The following KCNH1 variants were observed in gnomAD, a reference collection of about 807,000 sequenced individuals.
KCNH1 encodes voltage-gated delayed rectifier potassium channel KCNH1.
In KCNH1, 27 loss-of-function variants were observed where a neutral mutation model predicts 69.2. The observed-to-expected ratio is 0.39, with a 90% CI of 0.29 to 0.54. KCNH1 has a LOEUF of 0.54. Among genes scored for constraint, KCNH1 ranks in the 20% least tolerant of loss-of-function variants. The pLI, the probability that KCNH1 is intolerant of heterozygous loss-of-function variation, is 0.68. For synonymous variants in KCNH1, 456 were observed against 487.7 expected, an observed-to-expected ratio of 0.93 and a Z score of 0.86; for missense variants, 798 against 1,261.6, an observed-to-expected ratio of 0.63 and a Z score of 5.57.
intron 7 of KCNH1, among the ~76,000 whole-genome samples, chr1:210,895,162 CTT>C (rs35601819): frequency 3.6e-5 from 5 of 139,272 alleles, no homozygotes; most frequent in Admixed American, 7.1e-5. Context: ...CTTTTGTTTC[CTT>C]TTTTTTTTTT....
intron 6 of KCNH1, among the ~76,000 whole-genome samples, chr1:210,963,334 T>C (rs1405247421): frequency 6.6e-6 from 1 of 151,882 alleles, no homozygotes; most frequent in African/African-American, 2.4e-5. Flanking sequence ...TGGGGAGAAA[T>C]CAGTGCAAAA....
intron 10 of KCNH1, among the ~76,000 whole-genome samples, chr1:210,715,514 A>AAAC (rs914217450): frequency 7.6e-6 from 1 of 130,866 alleles, no homozygotes; most frequent in African/African-American, 2.9e-5. Flanking sequence ...TTTAAAAATT[A>AAAC]AACAAAAAAA....
intron 10 of KCNH1, among the ~76,000 whole-genome samples, chr1:210,719,971 G>T (rs543477883): frequency 1.2e-4 from 19 of 152,238 alleles, no homozygotes; most frequent in Non-Finnish European, 2.8e-4. Context: ...ATGTCTGTGT[G>T]TCCCTCCCGT....
chr1:210,783,916 T>C (rs896212358), intron 9 of KCNH1, among the ~76,000 whole-genome samples: 6 of 152,220 alleles, frequency 3.9e-5, no homozygotes, highest in Non-Finnish European at 5.9e-5. Flanking sequence ...TATACAAAGG[T>C]GCTTTTTTCA....
At chr1:210,944,476 T>C (rs965215569) in intron 6 of KCNH1, among the ~76,000 whole-genome samples, 1 of 152,098 alleles carries the variant, frequency 6.6e-6, no homozygotes, top group African/African-American at 2.4e-5. Flanking sequence ...AACTGCCATA[T>C]CTAAATGGAG....
chr1:211,026,609 C>A (rs1370493945), intron 5 of KCNH1, among the ~76,000 whole-genome samples: 1 of 152,188 alleles, frequency 6.6e-6, no homozygotes, highest in Non-Finnish European at 1.5e-5. Context: ...CACCCAATCT[C>A]CCATCTCCTC....
intron 6 of KCNH1, among the ~76,000 whole-genome samples, chr1:210,927,301 C>T (rs1371152583): frequency 6.6e-6 from 1 of 152,148 alleles, no homozygotes; most frequent in Non-Finnish European, 1.5e-5. Flanking sequence ...ATCTTAAGAC[C>T]TGTGAGGCAA....
At chr1:211,023,155 TAAATAAATTAAA>T (rs1487338979) in intron 5 of KCNH1, among the ~76,000 whole-genome samples, 4 of 100,374 alleles carry the variant, frequency 4.0e-5, no homozygotes, top group East Asian at 5.8e-4. Flanking sequence ...AATAAATAAA[TAAATAAATTAAA>T]AATGCTGGTG....
In KCNH1 at chr1:210,683,303, C is replaced by T. The variant is rs745322134; in HGVS notation, c.2948G>A (p.Arg983Lys). 12 of 1,613,498 alleles carry T rather than the reference C, an allele frequency of 7.4e-6. No homozygotes were observed. The South Asian group carries it at 8.8e-5, about 12-fold the overall frequency. Residue 983 changes from arginine to lysine, a missense_variant, in exon 11 of 11, where the codon AGA becomes AAA. Arg to Lys is a conservative substitution (Grantham distance 26, BLOSUM62 2). This residue lies in a region of KCNH1 where 331 missense variants were observed against 363.2 expected (regional missense o/e 0.91). Transcript: ENST00000271751. This position sits in a 1 kb window ranked among gnomAD's most constrained non-coding sequence, Gnocchi z 5.7. ...ISRPQSPESE[R>K]DIFGAS ...CTCTCAGCTGGCTCCAAAAATGTCTCTCTCTGATTCTGGGGACTGTGGCCT... is the reference window on the plus strand; with the variant it reads ...CTCTCAGCTGGCTCCAAAAATGTCTTTCTCTGATTCTGGGGACTGTGGCCT...
chr1:210,708,996 A>G (rs572448757), intron 10 of KCNH1, among the ~76,000 whole-genome samples: 317 of 152,238 alleles, frequency 2.1e-3, no homozygotes, highest in African/African-American at 7.5e-3. Flanking sequence ...GTGGTGGCTC[A>G]TCCCAGCACT....
At chr1:211,105,394 A>T (rs530377126) in intron 2 of KCNH1, among the ~76,000 whole-genome samples, 2 of 152,348 alleles carry the variant, frequency 1.3e-5, no homozygotes, top group African/African-American at 4.8e-5. Flanking sequence ...TACTATAATT[A>T]TACCTAGTTT....
intron 7 of KCNH1, chr1:210,859,310 T>C (rs1685923075): frequency 1.6e-5 from 24 of 1,506,880 alleles, no homozygotes; most frequent in Admixed American, 1.7e-5. Context: ...AGTTACTGTG[T>C]CTGTAACTGT....
In KCNH1 at chr1:210,722,984, CT is replaced by C. The variant is rs1341795580; in HGVS notation, c.2113-38847del. On this transcript the variant is annotated intron_variant, in intron 10 of 10. Transcript: ENST00000271751. ...TCCTGACAGACCTCAGGGAAGACAA[CT>C]TAACCTGATAAAAAATCAACACCAA... is the stretch of plus-strand genomic sequence containing the variant. Among the ~76,000 whole-genome samples the C allele has an allele frequency of 2.6e-5, 4 of 152,138 alleles. No individual in the cohort carries two copies. In the East Asian group the frequency reaches 7.7e-4, roughly 29 times the overall value.
chr1:210,772,952 ATTGTTTTTGTTGTCATTC>A (rs1020476482), intron 10 of KCNH1, among the ~76,000 whole-genome samples: 2 of 152,060 alleles, frequency 1.3e-5, no homozygotes, highest in Non-Finnish European at 2.9e-5. Context: ...CTGAGGTGTC[ATTGTTTTTGTTGTCATTC>A]TTGTTTTTTT....
Position 211,082,917 on chromosome 1 carries a change from T to C in KCNH1, c.440-19A>G, listed in dbSNP as rs1453107805. ...CCCCAGCCTGAAGCAAGTGGAAGAG[T>C]GAAAAGACAGGGTCAACCACATCCC... On this transcript the variant is annotated intron_variant, in intron 4 of 10. Coordinates refer to ENST00000271751, the MANE Select transcript of KCNH1 (RefSeq NM_172362.3). 6.2e-7 allele frequency: 1 copy of C among 1,601,052 alleles called. No homozygotes were observed. Among genetic ancestry groups the C allele is most frequent in the East Asian group, 2.2e-5 (1 of 44,802 alleles).
chr1:210,994,183 T>C (rs537973240), intron 6 of KCNH1, among the ~76,000 whole-genome samples: 2 of 152,352 alleles, frequency 1.3e-5, no homozygotes, highest in African/African-American at 4.8e-5. Context: ...CAAATGATGA[T>C]ACCACTAATT....
intron 7 of KCNH1, among the ~76,000 whole-genome samples, chr1:210,846,035 C>A (rs1037538744): frequency 1.3e-5 from 2 of 152,066 alleles, no homozygotes; most frequent in African/African-American, 4.8e-5. Flanking sequence ...ATGTGAAGGA[C>A]CTCTTCAAGG....
At position 210,862,035 on chromosome 1, in the gene KCNH1, T is replaced by C. The variant is rs889672155; in HGVS notation, c.1462+57605A>G. 4 of 781,446 alleles carry C rather than the reference T, an allele frequency of 5.1e-6. No individual in the cohort carries two copies. In the African/African-American group the frequency reaches 6.8e-5, roughly 13 times the overall value. 48.4% of individuals were successfully genotyped at this position (781,446 alleles called of 1,614,324 possible). On this transcript the variant is annotated intron_variant, in intron 7 of 10. Transcript: ENST00000271751. ...CTCAAATACAATGGCAATCTTCTTCTGGAATAGTATAAGGGGATATATACT... is the reference window on the plus strand; with the variant it reads ...CTCAAATACAATGGCAATCTTCTTCCGGAATAGTATAAGGGGATATATACT...
At chr1:210,696,437 A>C (rs1337334445) in intron 10 of KCNH1, among the ~76,000 whole-genome samples, 1 of 152,088 alleles carries the variant, frequency 6.6e-6, no homozygotes, top group Non-Finnish European at 1.5e-5. Flanking sequence ...TCCTCTCTTA[A>C]AAAATTAGTA....
Sources: gnomAD v4.1 joint callset for allele counts (sites outside exome capture counted in the v4.1 genomes callset) on GRCh38, gnomAD v4.1.1 for gene constraint, gnomAD v4.1.1 regional missense constraint, Gnocchi (gnomAD v3.1) non-coding constraint, MANE v1.5 for transcripts, NCBI Gene and HGNC (gene_info 2026-07-23, HGNC 2026-07-21) for gene names.